The following GALNT13 variants were observed in gnomAD, a reference collection of about 807,000 sequenced individuals.
GALNT13 encodes polypeptide N-acetylgalactosaminyltransferase 13.
In GALNT13, 28 loss-of-function variants were observed where a neutral mutation model predicts 64.2. The observed-to-expected ratio is 0.44, with a 90% CI of 0.32 to 0.60. The LOEUF (loss-of-function observed/expected upper bound fraction) is 0.60. Ranked by LOEUF, GALNT13 falls within the 20% of genes least tolerant of loss-of-function variation. GALNT13 has a pLI of 0.05. For missense variants in GALNT13, 577 were observed against 669.8 expected, an observed-to-expected ratio of 0.86 and a Z score of 1.53; for synonymous variants, 214 against 224.6, an observed-to-expected ratio of 0.95 and a Z score of 0.42.
chr2:153,332,824 G>T, the GALNT13 span, among the ~76,000 whole-genome samples: 5 of 152,166 alleles, frequency 3.3e-5, no homozygotes, highest in African/African-American at 1.2e-4. Context: ...CTGCTTTAGG[G>T]TGAAGCAAAG....
At chr2:154,337,492 T>C (rs1695520831) in intron 9 of GALNT13, among the ~76,000 whole-genome samples, 1 of 152,046 alleles carries the variant, frequency 6.6e-6, no homozygotes, top group East Asian at 1.9e-4. Context: ...ATTTCTCCAT[T>C]TTTGAAATGT....
chr2:153,128,567 CA>C, the GALNT13 span, among the ~76,000 whole-genome samples: 25 of 152,130 alleles, frequency 1.6e-4, no homozygotes, highest in East Asian at 2.3e-3. Flanking sequence ...TGCCTTCAAA[CA>C]ATACAAAGAA....
the GALNT13 span, among the ~76,000 whole-genome samples, chr2:153,398,844 T>C: frequency 7.2e-6 from 1 of 138,230 alleles, no homozygotes; most frequent in African/African-American, 2.8e-5. Flanking sequence ...GATGAGTAGG[T>C]TGTGAAAATT....
chr2:153,700,181 TG>T, the GALNT13 span, among the ~76,000 whole-genome samples: 1 of 152,208 alleles, frequency 6.6e-6, no homozygotes, highest in Non-Finnish European at 1.5e-5. Flanking sequence ...GATGCAAGGC[TG>T]GTTCAACATA....
chr2:153,460,069 G>C, the GALNT13 span, among the ~76,000 whole-genome samples: 1 of 151,994 alleles, frequency 6.6e-6, no homozygotes, highest in East Asian at 1.9e-4. Flanking sequence ...ATACATATAA[G>C]ATAAAATATG....
At chr2:153,988,824 G>A (rs1339606361) in intron 3 of GALNT13, among the ~76,000 whole-genome samples, 1 of 151,914 alleles carries the variant, frequency 6.6e-6, no homozygotes, top group Non-Finnish European at 1.5e-5. Context: ...AAGTTCAGGT[G>A]ACTAAAGTAT....
chr2:154,186,665 A>G (rs965709430), intron 4 of GALNT13, among the ~76,000 whole-genome samples: 1 of 152,110 alleles, frequency 6.6e-6, no homozygotes, highest in Non-Finnish European at 1.5e-5. Flanking sequence ...GCTTGGTTCT[A>G]CTTGAAACCA....
At chr2:153,425,312 CAA>C in the GALNT13 span, among the ~76,000 whole-genome samples, 1 of 151,408 alleles carries the variant, frequency 6.6e-6, no homozygotes, top group African/African-American at 2.4e-5. Flanking sequence ...CCTTTGTTTG[CAA>C]TATTTTATTA....
At chr2:154,217,419 T>C (rs952558694) in intron 4 of GALNT13, among the ~76,000 whole-genome samples, 3 of 152,114 alleles carry the variant, frequency 2.0e-5, no homozygotes, top group African/African-American at 7.2e-5. Context: ...TGTAAATTAG[T>C]GGAAAGAAAG....
chr2:153,108,525 A>C, the GALNT13 span, among the ~76,000 whole-genome samples: 4 of 152,108 alleles, frequency 2.6e-5, no homozygotes, highest in Admixed American at 2.0e-4. Context: ...TTTGGTTTTC[A>C]TTCTATTATT....
intron 4 of GALNT13, among the ~76,000 whole-genome samples, chr2:154,225,552 A>G (rs1005483407): frequency 3.3e-5 from 5 of 152,130 alleles, no homozygotes; most frequent in African/African-American, 1.2e-4. Context: ...CACAAGATAT[A>G]TGTTAAAGGA....
At chr2:154,328,507 G>T (rs1189337487) in intron 9 of GALNT13, among the ~76,000 whole-genome samples, 2 of 151,926 alleles carry the variant, frequency 1.3e-5, no homozygotes, top group East Asian at 1.9e-4. Context: ...TATTTTTCAT[G>T]TTTTCTGGTG....
the GALNT13 span, among the ~76,000 whole-genome samples, chr2:153,579,561 T>C: frequency 6.6e-6 from 1 of 152,180 alleles, no homozygotes; most frequent in Non-Finnish European, 1.5e-5. Context: ...ATGAAGATAA[T>C]TGAGCATAAT....
At chr2:154,262,359 A>G (rs911985280) in intron 8 of GALNT13, among the ~76,000 whole-genome samples, 2 of 152,192 alleles carry the variant, frequency 1.3e-5, no homozygotes, top group African/African-American at 2.4e-5. Context: ...TAACATGCAA[A>G]TACAAGCTTC....
intron 9 of GALNT13, among the ~76,000 whole-genome samples, chr2:154,357,924 T>C (rs1268525345): frequency 6.6e-6 from 1 of 152,102 alleles, no homozygotes; most frequent in Non-Finnish European, 1.5e-5. Flanking sequence ...ATTTCTCCTT[T>C]ATTTAAACTT....
chr2:154,421,584 A>G (rs1156264134), intron 11 of GALNT13, among the ~76,000 whole-genome samples: 2 of 120,136 alleles, frequency 1.7e-5, no homozygotes, highest in South Asian at 3.2e-4. Flanking sequence ...TAAATGATGA[A>G]GAAAAATTAT....
At chr2:154,241,379 C>T (rs191815348) in intron 4 of GALNT13, among the ~76,000 whole-genome samples, 97 of 152,100 alleles carry the variant, frequency 6.4e-4, no homozygotes, top group Non-Finnish European at 1.2e-3. Context: ...CTTACCTTCC[C>T]AGCACTTCCA....
At chr2:154,269,203 G>C (rs1352490329) in intron 8 of GALNT13, among the ~76,000 whole-genome samples, 3 of 152,026 alleles carry the variant, frequency 2.0e-5, no homozygotes, top group Non-Finnish European at 4.4e-5. Context: ...GGGGCTTATA[G>C]TATCCAGACT....
intron 8 of GALNT13, among the ~76,000 whole-genome samples, chr2:154,286,112 A>G (rs1259996379): frequency 2.6e-5 from 4 of 152,182 alleles, no homozygotes; most frequent in African/African-American, 9.7e-5. Flanking sequence ...TCTGCATATA[A>G]GATCGTGTCA....
Sources: allele counts gnomAD v4.1 joint callset (sites outside exome capture counted in the v4.1 genomes callset), GRCh38; gene constraint gnomAD v4.1.1; transcripts MANE v1.5; gene names NCBI Gene and HGNC (gene_info 2026-07-23, HGNC 2026-07-21).